The following ZNF385D variants were observed in gnomAD, a reference collection of about 807,000 sequenced individuals.
The protein encoded by ZNF385D is zinc finger protein 385D.
In ZNF385D, 15 loss-of-function variants were observed where a neutral mutation model predicts 35.8. That is an observed-to-expected ratio of 0.42 (90% CI 0.28 to 0.64). The LOEUF (loss-of-function observed/expected upper bound fraction) is 0.64. Among genes scored for constraint, ZNF385D ranks in the 30% least tolerant of loss-of-function variants. The pLI is 0.23. For missense variants in ZNF385D, 474 were observed against 494.6 expected (o/e 0.96, Z 0.39); for synonymous variants, 212 against 186.8 (o/e 1.13, Z -1.10).
chr3:21,510,567 G>T (rs112973653), intron 4 of ZNF385D, among the ~76,000 whole-genome samples: 5 of 152,126 alleles, frequency 3.3e-5, no homozygotes, highest in East Asian at 1.9e-4. Flanking sequence ...CACTGAAAAG[G>T]TTCATTTCTC....
At chr3:22,044,597 G>C (rs145327252) in intron 3 of ZNF385D, among the ~76,000 whole-genome samples, 1 of 152,108 alleles carries the variant, frequency 6.6e-6, no homozygotes, top group Non-Finnish European at 1.5e-5. Context: ...ATTATGTAGG[G>C]AAGGTGGTGA....
At chr3:22,368,853 T>C (rs891857597) in intron 2 of ZNF385D, among the ~76,000 whole-genome samples, 1 of 152,210 alleles carries the variant, frequency 6.6e-6, no homozygotes, top group African/African-American at 2.4e-5. Flanking sequence ...AAGACATCAC[T>C]AGCTTTACCA....
At chr3:22,314,621 G>A (rs1052827818) in intron 2 of ZNF385D, among the ~76,000 whole-genome samples, 1 of 152,066 alleles carries the variant, frequency 6.6e-6, no homozygotes, top group Non-Finnish European at 1.5e-5. Context: ...CAGCAGGGTT[G>A]CACTCTGGCA....
At chr3:21,566,763 A>G (rs1174620499) in intron 2 of ZNF385D, among the ~76,000 whole-genome samples, 2 of 152,202 alleles carry the variant, frequency 1.3e-5, no homozygotes, top group African/African-American at 4.8e-5. Context: ...GAAATGTGAC[A>G]AATGCATAGA....
intron 2 of ZNF385D, among the ~76,000 whole-genome samples, chr3:22,350,173 A>T (rs1284401794): frequency 6.6e-6 from 1 of 152,174 alleles, no homozygotes; most frequent in Non-Finnish European, 1.5e-5. Context: ...CATGCAAAGA[A>T]GTTTACCCCA....
At chr3:21,682,701 T>C (rs1457183593) in intron 1 of ZNF385D, among the ~76,000 whole-genome samples, 1 of 149,910 alleles carries the variant, frequency 6.7e-6, no homozygotes, top group Non-Finnish European at 1.5e-5. Flanking sequence ...AATCAAGTAA[T>C]CTACTTCCTG....
chr3:21,726,697 G>T (rs1477594903), intron 1 of ZNF385D, among the ~76,000 whole-genome samples: 1 of 152,032 alleles, frequency 6.6e-6, no homozygotes, highest in Non-Finnish European at 1.5e-5. Context: ...GAAAAAGTTT[G>T]CATGCTCATG....
intron 2 of ZNF385D, among the ~76,000 whole-genome samples, chr3:21,575,517 C>T (rs934504679): frequency 1.1e-4 from 16 of 152,214 alleles, no homozygotes; most frequent in African/African-American, 3.6e-4. Flanking sequence ...TTTTTTAATA[C>T]ACCAAGCTCT....
chr3:21,683,657 C>T (rs954076893), intron 1 of ZNF385D, among the ~76,000 whole-genome samples: 6 of 149,702 alleles, frequency 4.0e-5, no homozygotes, highest in Admixed American at 2.0e-4. Flanking sequence ...GAACTAAGCA[C>T]ATGAGCTGTT....
intron 1 of ZNF385D, among the ~76,000 whole-genome samples, chr3:21,673,380 G>T (rs1298210890): frequency 6.6e-6 from 1 of 152,046 alleles, no homozygotes; most frequent in South Asian, 2.1e-4. Flanking sequence ...AGGTGCTATT[G>T]GACATTACAG....
chr3:22,092,201 G>T (rs1159085698), intron 3 of ZNF385D, among the ~76,000 whole-genome samples: 2 of 152,172 alleles, frequency 1.3e-5, no homozygotes, highest in Non-Finnish European at 2.9e-5. Context: ...AGTGGGGCTG[G>T]AACCTGTAAA....
intron 2 of ZNF385D, among the ~76,000 whole-genome samples, chr3:22,252,216 T>G (rs1700096803): frequency 6.6e-6 from 1 of 152,062 alleles, no homozygotes; most frequent in Admixed American, 6.6e-5. Context: ...AATTGCATGC[T>G]TAGCACATGT....
At chr3:22,131,648 G>T (rs1189508921) in intron 3 of ZNF385D, among the ~76,000 whole-genome samples, 10 of 152,148 alleles carry the variant, frequency 6.6e-5, no homozygotes, top group Non-Finnish European at 1.3e-4. Context: ...AAAGAGAACA[G>T]ATGTTTATCC....
chr3:21,482,426 A>G (rs1704693478), intron 4 of ZNF385D, among the ~76,000 whole-genome samples: 1 of 152,166 alleles, frequency 6.6e-6, no homozygotes. Context: ...CAAAGACCAA[A>G]ATGTTTCCAT....
chr3:22,348,485 TAAAA>T (rs1168729541), intron 2 of ZNF385D, among the ~76,000 whole-genome samples: 3 of 84,934 alleles, frequency 3.5e-5, no homozygotes, highest in African/African-American at 5.7e-5. Context: ...CCATCTCTAC[TAAAA>T]AAAAAAAAAA....
At chr3:21,817,989 T>C (rs541098143) in intron 3 of ZNF385D, among the ~76,000 whole-genome samples, 19 of 152,214 alleles carry the variant, frequency 1.2e-4, no homozygotes, top group Non-Finnish European at 2.6e-4. Context: ...CATGGAATTC[T>C]ATGCAGCCAT....
At chr3:21,702,049 C>CT (rs1035615311) in intron 1 of ZNF385D, among the ~76,000 whole-genome samples, 1 of 152,150 alleles carries the variant, frequency 6.6e-6, no homozygotes, top group Non-Finnish European at 1.5e-5. Flanking sequence ...CAGTAACCCT[C>CT]TTCTCACAGC....
intron 3 of ZNF385D, among the ~76,000 whole-genome samples, chr3:21,874,372 G>A (rs143478105): frequency 1.3e-3 from 198 of 151,996 alleles, no homozygotes; most frequent in African/African-American, 4.3e-3. Context: ...TTGTTATTGA[G>A]TTGTAGGAAT....
At chr3:22,112,035 T>A (rs1181443791) in intron 3 of ZNF385D, among the ~76,000 whole-genome samples, 1 of 152,120 alleles carries the variant, frequency 6.6e-6, no homozygotes, top group Non-Finnish European at 1.5e-5. Flanking sequence ...TCTACTCTAA[T>A]CTTAAAGGAC....
Sources: gnomAD v4.1 joint callset for allele counts (sites outside exome capture counted in the v4.1 genomes callset) on GRCh38, gnomAD v4.1.1 for gene constraint, MANE v1.5 for transcripts, NCBI Gene and HGNC (gene_info 2026-07-23, HGNC 2026-07-21) for gene names.